Variants in CSMD1 observed in about 807,000 individuals in gnomAD.
CSMD1 encodes the protein CUB and sushi domain-containing protein 1.
In CSMD1, 213 loss-of-function variants were observed where a neutral mutation model predicts 417.5. The observed-to-expected ratio is 0.51, with a 90% confidence interval of 0.46 to 0.57. The LOEUF is 0.57. Among genes scored for constraint, CSMD1 ranks in the 20% least tolerant of loss-of-function variants. The pLI, the probability that CSMD1 is intolerant of heterozygous loss-of-function variation, is 0.00. For synonymous variants in CSMD1, 2,862 were observed against 1,736.8 expected (o/e 1.65, Z -16.11); for missense variants, 6,923 against 4,529.7 (o/e 1.53, Z -15.17).
intron 3 of CSMD1, among the ~76,000 whole-genome samples, chr8:4,297,009 G>C (rs865824818): frequency 6.6e-6 from 1 of 152,108 alleles, no homozygotes; most frequent in Non-Finnish European, 1.5e-5. Context: ...ACAGGAATAG[G>C]AAGTGCTGGG....
At chr8:4,790,209 C>A (rs372267483) in intron 1 of CSMD1, among the ~76,000 whole-genome samples, 55 of 152,202 alleles carry the variant, frequency 3.6e-4, no homozygotes, top group East Asian at 3.1e-3. Context: ...AGAGCCAAAT[C>A]TGAGAGCACA....
At chr8:4,672,945 G>A (rs1268564466) in intron 1 of CSMD1, among the ~76,000 whole-genome samples, 1 of 151,918 alleles carries the variant, frequency 6.6e-6, no homozygotes, top group Non-Finnish European at 1.5e-5. Context: ...CATACATGGT[G>A]ACACGGCACA....
At chr8:4,259,136 G>A (rs1225771383) in intron 3 of CSMD1, among the ~76,000 whole-genome samples, 3 of 152,012 alleles carry the variant, frequency 2.0e-5, no homozygotes, top group Non-Finnish European at 2.9e-5. Flanking sequence ...AGCTAATTAG[G>A]CCTACCTCCA....
intron 49 of CSMD1, among the ~76,000 whole-genome samples, chr8:3,085,268 C>A (rs1814442689): frequency 6.6e-6 from 1 of 151,972 alleles, no homozygotes; most frequent in Non-Finnish European, 1.5e-5. Context: ...GTTTAAAGGT[C>A]AAAATGCATG....
chr8:3,128,443 T>G (rs1817624945), intron 41 of CSMD1: 1 of 161,938 alleles, frequency 6.2e-6, no homozygotes. Flanking sequence ...ATGACAAACT[T>G]TAAGAATAAG....
At chr8:3,864,154 A>G (rs1001253492) in intron 5 of CSMD1, among the ~76,000 whole-genome samples, 6 of 152,216 alleles carry the variant, frequency 3.9e-5, no homozygotes, top group African/African-American at 1.4e-4. Context: ...TTTATGGATC[A>G]CCTTTAATAT....
At position 3,930,024 on chromosome 8, in the gene CSMD1, C is replaced by G. The variant is rs754171699; in HGVS notation, c.818+67879G>C. On this transcript the variant is annotated intron_variant, in intron 5 of 69. Transcript: ENST00000635120. ...GTTAATGCAAGGTTTTCTTCTTACA[C>G]TGGTTTATATAAAGATGTCTCTGAG... 2.5e-4 allele frequency among the ~76,000 whole-genome samples: 38 copies of G among 150,220 alleles called. 2 individuals carry two copies. Among genetic ancestry groups the G allele is most frequent in the Non-Finnish European group, 4.6e-4 (31 of 67,498 alleles).
At chr8:3,934,337 T>A (rs1810344484) in intron 5 of CSMD1, among the ~76,000 whole-genome samples, 1 of 152,184 alleles carries the variant, frequency 6.6e-6, no homozygotes, top group Non-Finnish European at 1.5e-5. Flanking sequence ...AGTTAACACG[T>A]ACAAAAAGAG....
At chr8:3,670,460 T>C (rs1798930540) in intron 7 of CSMD1, among the ~76,000 whole-genome samples, 1 of 149,718 alleles carries the variant, frequency 6.7e-6, no homozygotes, top group Non-Finnish European at 1.5e-5. Context: ...AAATATCCCA[T>C]ATATATGTAT....
chr8:4,556,286 C>T (rs778854399), intron 2 of CSMD1, among the ~76,000 whole-genome samples: 1 of 151,942 alleles, frequency 6.6e-6, no homozygotes, highest in Non-Finnish European at 1.5e-5. Context: ...TAATCTTGAC[C>T]ATTTTCATAA....
intron 7 of CSMD1, among the ~76,000 whole-genome samples, chr8:3,647,815 T>A (rs1343157923): frequency 4.6e-5 from 7 of 152,110 alleles, no homozygotes; most frequent in African/African-American, 1.7e-4. Context: ...ATATGGCAAA[T>A]GTATAATGTT....
intron 5 of CSMD1, among the ~76,000 whole-genome samples, chr8:3,754,511 G>C (rs1355535207): frequency 6.6e-6 from 1 of 152,056 alleles, no homozygotes; most frequent in Admixed American, 6.6e-5. Flanking sequence ...CTGGAGGGCA[G>C]TGGTGCGATC....
intron 38 of CSMD1, among the ~76,000 whole-genome samples, chr8:3,160,796 G>T (rs944447904): frequency 6.6e-6 from 1 of 152,116 alleles, no homozygotes. Context: ...CATGTCCCAC[G>T]GTTGATCAGG....
chr8:3,255,313 G>C lies in CSMD1; in HGVS notation c.4154-25082C>G, dbSNP rs182192055. ...TGCATCCCAGTTAGGCTTCTCGGGG[G>C]ACAGGGACCCACTTGAGGAGGCAGT... is the stretch of plus-strand genomic sequence containing the variant. On this transcript the variant is annotated intron_variant, in intron 26 of 69. Transcript: ENST00000635120. Among the ~76,000 whole-genome samples, 121 of 152,256 alleles carry C rather than the reference G, an allele frequency of 7.9e-4. 1 individual carries two copies. Among genetic ancestry groups the C allele is most frequent in the African/African-American group, 2.7e-3 (113 of 41,564 alleles).
chr8:3,190,355 C>T (rs781340891), intron 33 of CSMD1, among the ~76,000 whole-genome samples: 9 of 152,140 alleles, frequency 5.9e-5, no homozygotes, highest in Non-Finnish European at 1.2e-4. Context: ...GGAGCACGTT[C>T]CCAACTGTAC....
chr8:4,752,887 A>T (rs1811423813), intron 1 of CSMD1, among the ~76,000 whole-genome samples: 1 of 152,158 alleles, frequency 6.6e-6, no homozygotes, highest in East Asian at 1.9e-4. Flanking sequence ...TCTCCCAAAG[A>T]TCCTGCACCA....
intron 3 of CSMD1, among the ~76,000 whole-genome samples, chr8:4,103,656 G>C (rs558054841): frequency 6.6e-6 from 1 of 152,144 alleles, no homozygotes; most frequent in East Asian, 1.9e-4. Flanking sequence ...TTAGGTATCT[G>C]ATATGCCACA....
intron 1 of CSMD1, among the ~76,000 whole-genome samples, chr8:4,822,216 G>C (rs1456184797): frequency 6.6e-6 from 1 of 152,024 alleles, no homozygotes; most frequent in East Asian, 1.9e-4. Context: ...TGATTCGTGG[G>C]GGTTTGCAAC....
intron 2 of CSMD1, among the ~76,000 whole-genome samples, chr8:4,562,076 A>C (rs1351985746): frequency 6.6e-6 from 1 of 152,230 alleles, no homozygotes; most frequent in Non-Finnish European, 1.5e-5. Context: ...CAATTACATG[A>C]AGAAGATGGA....
Sources: gnomAD v4.1 joint callset for allele counts (sites outside exome capture counted in the v4.1 genomes callset) on GRCh38, gnomAD v4.1.1 for gene constraint, MANE v1.5 for transcripts, NCBI Gene and HGNC (gene_info 2026-07-23, HGNC 2026-07-21) for gene names.